The following MAST2 variants were observed in gnomAD, a reference collection of about 807,000 sequenced individuals.
MAST2 encodes the protein microtubule-associated serine/threonine-protein kinase 2.
Under a neutral mutation model 147.4 loss-of-function variants are expected in MAST2, and 70 were observed. That is an observed-to-expected ratio of 0.47 (90% CI 0.39 to 0.58). The LOEUF (loss-of-function observed/expected upper bound fraction) is 0.58. Among genes scored for constraint, MAST2 ranks in the 20% least tolerant of loss-of-function variants. The pLI, the probability that MAST2 is intolerant of heterozygous loss-of-function variation, is 0.00. For synonymous variants in MAST2, 869 were observed against 896.8 expected, an observed-to-expected ratio of 0.97 and a Z score of 0.55; for missense variants, 2,080 against 2,302.3, an observed-to-expected ratio of 0.90 and a Z score of 1.98.
At chr1:45,912,168 A>G (rs2148580700) in intron 4 of MAST2, among the ~76,000 whole-genome samples, 1 of 152,232 alleles carries the variant, frequency 6.6e-6, no homozygotes, top group Middle Eastern at 3.4e-3. Flanking sequence ...AGGGCTGAAT[A>G]ATTGGACTAA....
chr1:45,913,007 CT>C (rs1377095033), intron 4 of MAST2, among the ~76,000 whole-genome samples: 2 of 152,162 alleles, frequency 1.3e-5, no homozygotes, highest in African/African-American at 2.4e-5. Flanking sequence ...CAATAGAGGT[CT>C]TCTGCAACTT....
intron 5 of MAST2, among the ~76,000 whole-genome samples, chr1:45,968,070 C>G (rs768784925): frequency 2.6e-5 from 4 of 152,110 alleles, no homozygotes; most frequent in African/African-American, 7.2e-5. Flanking sequence ...CTTGTTGGAG[C>G]CTTTTAGATT....
At chr1:45,949,409 C>T (rs1362178558) in intron 4 of MAST2, among the ~76,000 whole-genome samples, 2 of 152,076 alleles carry the variant, frequency 1.3e-5, no homozygotes, top group East Asian at 1.9e-4. Flanking sequence ...GGGCAAAGGA[C>T]GTGAACAGAT....
chr1:45,948,563 T>G (rs1159556631), intron 4 of MAST2, among the ~76,000 whole-genome samples: 1 of 151,444 alleles, frequency 6.6e-6, no homozygotes, highest in Non-Finnish European at 1.5e-5. Flanking sequence ...AAAAATTAGC[T>G]GCATGTGGTG....
At chr1:45,960,596 C>T (rs899492115) in intron 5 of MAST2, among the ~76,000 whole-genome samples, 1 of 152,204 alleles carries the variant, frequency 6.6e-6, no homozygotes, top group Non-Finnish European at 1.5e-5. Context: ...AAGACCTCAT[C>T]GGAGTCAGCC....
chr1:45,947,764 T>G (rs1197214024), intron 4 of MAST2, among the ~76,000 whole-genome samples: 3 of 152,234 alleles, frequency 2.0e-5, no homozygotes, highest in Non-Finnish European at 1.5e-5. Flanking sequence ...TCGCCCAAGC[T>G]GGAGTGTAGA....
In MAST2 at chr1:45,895,306, T is replaced by G. The variant is rs75113475; in HGVS notation, c.500+12911T>G. Among the ~76,000 whole-genome samples, 536 of 151,756 alleles carry G rather than the reference T, an allele frequency of 3.5e-3. 5 individuals carry two copies. The highest frequency in any genetic ancestry group is 0.034 in the East Asian group (175 of 5,180). On this transcript the variant is annotated intron_variant, in intron 4 of 28. Coordinates refer to ENST00000361297, the MANE Select transcript of MAST2 (RefSeq NM_015112.3). ...CTGCTATAATCATTCATGTATAAGTTTTTTTTTTATGGGCATATGTTTTCA... is the reference window on the plus strand; with the variant it reads ...CTGCTATAATCATTCATGTATAAGTGTTTTTTTTATGGGCATATGTTTTCA...
chr1:45,865,595 A>G (rs1236218455), intron 3 of MAST2, among the ~76,000 whole-genome samples: 2 of 152,030 alleles, frequency 1.3e-5, no homozygotes, highest in Admixed American at 6.6e-5. Context: ...CCACTTATCT[A>G]TTGTCTGTCT....
intron 15 of MAST2, chr1:46,024,297 C>A: frequency 2.9e-6 from 1 of 347,332 alleles, no homozygotes; most frequent in South Asian, 2.9e-5. Flanking sequence ...GCTACAAAAG[C>A]CCAGGATTAG....
chr1:46,009,124 G>A (rs1645607567), intron 9 of MAST2, among the ~76,000 whole-genome samples: 1 of 152,072 alleles, frequency 6.6e-6, no homozygotes, highest in African/African-American at 2.4e-5. Flanking sequence ...GCACCATCTC[G>A]GCTCACTGCA....
intron 4 of MAST2, among the ~76,000 whole-genome samples, chr1:45,957,619 GCCCAGCTATTTTTTTTTAATTTTTATTT>G (rs1659833373): frequency 1.3e-5 from 2 of 152,114 alleles, no homozygotes; most frequent in African/African-American, 2.4e-5. Context: ...GTGCCAACAT[GCCCAGCTATTTTTTTTTAATTTTTATTT>G]TCTGTACAGA....
At position 45,954,265 on chromosome 1, in the gene MAST2, C is replaced by T. The variant is rs539195969; in HGVS notation, c.501-5121C>T. On this transcript the variant is annotated intron_variant, in intron 4 of 28. Transcript: ENST00000361297. ...GGCTTCCTAAGTAAATTTACAGCAG[C>T]TCTTGCAGGGGTCAGATTTTCCGAG... is the stretch of plus-strand genomic sequence containing the variant. Among the ~76,000 whole-genome samples the T allele has an allele frequency of 2.0e-5, 3 of 152,216 alleles. No individual in the cohort carries two copies. The South Asian group carries it at 6.2e-4, about 32-fold the overall frequency.
chr1:46,028,186 T>C (rs796258899), intron 17 of MAST2, among the ~76,000 whole-genome samples: 18 of 152,340 alleles, frequency 1.2e-4, no homozygotes, highest in Admixed American at 4.6e-4. Context: ...TTGAGAATCA[T>C]ATGGATATAA....
Position 45,803,837 on chromosome 1 carries a change from G to C in MAST2, c.-59G>C. The C allele has an allele frequency of 4.5e-6, 2 of 446,004 alleles. No individual in the cohort carries two copies. The highest frequency in any genetic ancestry group is 6.4e-4 in the Middle Eastern group (1 of 1,556). The allele number at this position is 446,004 out of a possible 1,614,324, so 27.6% of individuals were successfully genotyped here. ...GGTTGGCGCGGCTGCGCTGCGGCCC[G>C]GGGCAGTGCGGAGCCGGGACAGTCG... On this transcript the variant is annotated 5_prime_UTR_variant, in exon 1 of 29. Transcript: ENST00000361297.
At chr1:45,939,989 T>TTTTGTTTTTTTTTTTTTTTTG (rs776892902) in intron 4 of MAST2, among the ~76,000 whole-genome samples, 1 of 128,880 alleles carries the variant, frequency 7.8e-6, no homozygotes, top group Non-Finnish European at 1.6e-5. Flanking sequence ...GGTTTTTTTT[T>TTTTGTTTTTTTTTTTTTTTTG]TTTTTTTTTT....
intron 8 of MAST2, among the ~76,000 whole-genome samples, chr1:46,006,901 T>C (rs1645511268): frequency 6.6e-6 from 1 of 152,182 alleles, no homozygotes; most frequent in Non-Finnish European, 1.5e-5. Flanking sequence ...TGGCCCTGGG[T>C]GTATGATCTA....
At chr1:45,849,396 A>C (rs185779408) in intron 3 of MAST2, among the ~76,000 whole-genome samples, 10 of 152,278 alleles carry the variant, frequency 6.6e-5, no homozygotes, top group Admixed American at 6.5e-4. Context: ...AGATCAATGG[A>C]ACTTTATTTC....
chr1:45,844,261 G>A (rs1014041729), intron 3 of MAST2, among the ~76,000 whole-genome samples: 2 of 151,316 alleles, frequency 1.3e-5, no homozygotes, highest in Non-Finnish European at 2.9e-5. Flanking sequence ...CACGATGCCT[G>A]GCTAATTTTT....
chr1:46,024,190 G>A (rs971189759), intron 15 of MAST2: 11 of 565,824 alleles, frequency 1.9e-5, no homozygotes, highest in Non-Finnish European at 3.5e-5. Flanking sequence ...GGCATTCTGG[G>A]ATAGGATGTA....
Sources: gnomAD v4.1 joint callset for allele counts (sites outside exome capture counted in the v4.1 genomes callset) on GRCh38, gnomAD v4.1.1 for gene constraint, MANE v1.5 for transcripts, NCBI Gene and HGNC (gene_info 2026-07-23, HGNC 2026-07-21) for gene names.